ZMYM4: variants seen among roughly 807,000 people sequenced by gnomAD.
The protein encoded by ZMYM4 is zinc finger MYM-type protein 4.
ZMYM4 carries 31 observed loss-of-function variants against 183.2 expected under a neutral mutation model. The observed-to-expected ratio is 0.17, with a 90% confidence interval of 0.13 to 0.23. The LOEUF (loss-of-function observed/expected upper bound fraction) is 0.23, where lower values mean the gene tolerates loss of function less well. ZMYM4 is among the 10% of genes least tolerant of loss of function. The probability of loss-of-function intolerance (pLI) is 1.00; values close to 1 mark genes in which losing one functional copy is unlikely to be tolerated. For synonymous variants in ZMYM4, 592 were observed against 631.2 expected (o/e 0.94, Z 0.93); for missense variants, 1,273 against 1,840.3 (o/e 0.69, Z 5.64).
At chr1:35,281,528 T>G (rs916586220) in intron 1 of ZMYM4, among the ~76,000 whole-genome samples, 1 of 151,980 alleles carries the variant, frequency 6.6e-6, no homozygotes, top group Non-Finnish European at 1.5e-5. Flanking sequence ...GAATAAGTAT[T>G]TAAGGTGATG....
intron 1 of ZMYM4, among the ~76,000 whole-genome samples, chr1:35,279,446 T>C: frequency 6.6e-6 from 1 of 152,156 alleles, no homozygotes; most frequent in East Asian, 1.9e-4. Flanking sequence ...ATGGGATCCA[T>C]GAGTCACACT....
chr1:35,421,027 G>A lies in ZMYM4; in HGVS notation c.*1350G>A, dbSNP rs1405944369. The A allele has an allele frequency of 1.3e-5, 2 of 152,222 alleles. No individual in the cohort carries two copies. The highest frequency in any genetic ancestry group is 2.4e-5 in the African/African-American group (1 of 41,432). The allele number at this position is 152,222 out of a possible 1,614,324, so 9.4% of individuals were successfully genotyped here. A position where few individuals can be genotyped will look rare whatever the true frequency, so the allele number is the denominator to read the frequency against. The stretch of plus-strand genomic sequence containing the variant: ...AATTTGGAATCAAAGCTTTTATGAC[G>A]TTTGCCAATTGCAGAACTTCTTCAG... On this transcript the variant is annotated 3_prime_UTR_variant, in exon 30 of 30. Transcript: ENST00000314607.
chr1:35,311,786 A>G (rs1313316284), intron 1 of ZMYM4, among the ~76,000 whole-genome samples: 2 of 152,194 alleles, frequency 1.3e-5, no homozygotes, highest in African/African-American at 2.4e-5. Context: ...ATATAGAAAT[A>G]GTTATATTTA....
chr1:35,365,350 A>G (rs2148921286), intron 5 of ZMYM4, among the ~76,000 whole-genome samples: 1 of 151,710 alleles, frequency 6.6e-6, no homozygotes, highest in South Asian at 2.1e-4. Context: ...AAAGAGAGCC[A>G]GAGACCTCAT....
intron 5 of ZMYM4, 101 bp downstream of exon 5, chr1:35,361,890 G>T: frequency 1.4e-6 from 2 of 1,437,628 alleles, no homozygotes; most frequent in East Asian, 2.4e-5. Flanking sequence ...TTGTTGACAG[G>T]GTGAAAGGAA....
rs1644664782 is a variant in ZMYM4 at position 35,389,783 on chromosome 1, G to GTGTGTGTGTA, written c.2437-156_2437-155insATGTGTGTGT. ...AAAAAAAAAAAATATATATATATAT[G>GTGTGTGTGTA]TGTGTGTGTGTGTGTGTGTGTGTGT... On this transcript the variant is annotated intron_variant, in intron 14 of 29. Coordinates refer to ENST00000314607, the MANE Select transcript of ZMYM4 (RefSeq NM_005095.3). This position sits in a 1 kb window ranked among gnomAD's most constrained non-coding sequence, Gnocchi z 4.0. 7.3e-6 allele frequency among the ~76,000 whole-genome samples: 1 copy of GTGTGTGTGTA among 136,228 alleles called. No homozygotes were observed. The highest frequency in any genetic ancestry group is 7.7e-5 in the Admixed American group (1 of 12,958). The allele number at this position is 136,228 out of a possible 152,430, so 89.4% of individuals were successfully genotyped here.
At chr1:35,272,702 G>A (rs1265476941) in intron 1 of ZMYM4, among the ~76,000 whole-genome samples, 4 of 151,986 alleles carry the variant, frequency 2.6e-5, no homozygotes, top group African/African-American at 9.7e-5. Context: ...ATGGGCAGGT[G>A]ACTGCATTTT....
intron 6 of ZMYM4, 110 bp from the exon 7 acceptor site, chr1:35,370,262 A>T: frequency 6.9e-7 from 1 of 1,449,206 alleles, no homozygotes; most frequent in Non-Finnish European, 9.1e-7. Context: ...GTTGGGTTTC[A>T]AGACTAGTTC....
chr1:35,391,869 C>T (rs1003383625), intron 15 of ZMYM4, among the ~76,000 whole-genome samples: 17 of 151,094 alleles, frequency 1.1e-4, no homozygotes, highest in African/African-American at 3.4e-4. Context: ...GGTGAAACCC[C>T]GTCTCTACTA....
intron 2 of ZMYM4, among the ~76,000 whole-genome samples, chr1:35,338,993 T>C (rs1199678777): frequency 6.6e-6 from 1 of 152,236 alleles, no homozygotes; most frequent in Non-Finnish European, 1.5e-5. Context: ...TCCTTTATGG[T>C]TTATATTTTA....
At position 35,352,267 on chromosome 1, in the gene ZMYM4, GCGCACACACACACACACA is replaced by G. The variant is rs1455850697; in HGVS notation, c.86-6656_86-6639del. On this transcript the variant is annotated intron_variant, in intron 2 of 29. Coordinates refer to ENST00000314607, the MANE Select transcript of ZMYM4 (RefSeq NM_005095.3). The stretch of plus-strand genomic sequence containing the variant: ...TTTAAAAATTAGCGCGCACGCGCGC[GCGCACACACACACACACA>G]CACACACACACACACACACACACAG... 3.9e-3 allele frequency among the ~76,000 whole-genome samples: 305 copies of G among 78,278 alleles called. 5 individuals are homozygous for G. Among genetic ancestry groups the G allele is most frequent in the African/African-American group, 0.012 (280 of 22,630 alleles). 51.4% of individuals were successfully genotyped at this position (78,278 alleles called of 152,430 possible).
chr1:35,396,903 A>G (rs1644818831), intron 19 of ZMYM4: 3 of 559,768 alleles, frequency 5.4e-6, no homozygotes, highest in South Asian at 1.3e-4. Context: ...TACATGCACA[A>G]TAAGACCACT....
At chr1:35,347,938 A>G (rs946176208) in intron 2 of ZMYM4, among the ~76,000 whole-genome samples, 13 of 152,220 alleles carry the variant, frequency 8.5e-5, no homozygotes, top group African/African-American at 2.7e-4. Context: ...AGTTTATTAC[A>G]GTGATGTGCT....
At chr1:35,392,077 T>C (rs1644717638) in intron 15 of ZMYM4, 135 bp from the exon 16 acceptor site, 9 of 1,135,576 alleles carry the variant, frequency 7.9e-6, no homozygotes, top group South Asian at 1.5e-5. Context: ...CAAAACCCAG[T>C]TAATCCTAAA....
At chr1:35,301,856 C>G (rs1641293759) in intron 1 of ZMYM4, among the ~76,000 whole-genome samples, 1 of 152,168 alleles carries the variant, frequency 6.6e-6, no homozygotes, top group South Asian at 2.1e-4. Context: ...TAGGTTCACT[C>G]TGTATGCTAT....
chr1:35,301,861 T>C (rs1641294258), intron 1 of ZMYM4, among the ~76,000 whole-genome samples: 2 of 152,202 alleles, frequency 1.3e-5, no homozygotes, highest in East Asian at 3.8e-4. Context: ...TCACTCTGTA[T>C]GCTATGTGGC....
chr1:35,407,900 C>T (rs1645032761), intron 25 of ZMYM4, 108 bp from the exon 26 acceptor site: 2 of 1,395,372 alleles, frequency 1.4e-6, no homozygotes, highest in Non-Finnish European at 2.0e-6. Context: ...ACCCACTAGT[C>T]TGCACCGCAG....
chr1:35,387,712 A>T, intron 13 of ZMYM4, 108 bp downstream of exon 13: 1 of 1,181,698 alleles, frequency 8.5e-7, no homozygotes, highest in Non-Finnish European at 1.2e-6. Context: ...TTGTTTATGT[A>T]TAACGTAAAT....
chr1:35,396,764 A>G, intron 19 of ZMYM4, 94 bp downstream of exon 19: 2 of 1,371,572 alleles, frequency 1.5e-6, no homozygotes. Flanking sequence ...ATTTGTTAGT[A>G]AAATATACCT....
Sources: allele counts gnomAD v4.1 joint callset (sites outside exome capture counted in the v4.1 genomes callset), GRCh38; gene constraint gnomAD v4.1.1; non-coding constraint Gnocchi (gnomAD v3.1); transcripts MANE v1.5; gene names NCBI Gene and HGNC (gene_info 2026-07-23, HGNC 2026-07-21).